Variants in LRP1B observed in about 807,000 individuals in gnomAD.
The protein encoded by LRP1B is low-density lipoprotein receptor-related protein 1B.
Under a neutral mutation model 556.6 loss-of-function variants are expected in LRP1B, and 217 were observed. The ratio of observed to expected loss-of-function variants is 0.39; its 90% CI spans 0.35 to 0.44. The LOEUF (loss-of-function observed/expected upper bound fraction) is 0.44. Among genes scored for constraint, LRP1B ranks in the 20% least tolerant of loss-of-function variants. The pLI, the probability that LRP1B is intolerant of heterozygous loss-of-function variation, is 1.00. For missense variants in LRP1B, 5,053 were observed against 5,620.8 expected (o/e 0.90, Z 3.23); for synonymous variants, 2,047 against 1,865.8 (o/e 1.10, Z -2.50).
chr2:140,525,904 T>A lies in LRP1B; in HGVS notation c.7966A>T (p.Thr2656Ser), dbSNP rs1252215593. Residue 2656 changes from threonine to serine, a missense_variant, in exon 49 of 91, where the codon ACC (threonine) becomes TCC (serine). Physicochemically the swap from Thr to Ser is moderately conservative, Grantham distance 58 (BLOSUM62 1). Coordinates refer to ENST00000389484, the MANE Select transcript of LRP1B (RefSeq NM_018557.3). The part of the protein sequence containing the change: ...CNSTSLCVLP[T>S]WICDGSNDCG... ...TCATTAGACCCGTCGCATATCCAGG[T>A]TGGCAGAACACACAGTGAGGTAGAA... 1.2e-6 allele frequency: 2 copies of A among 1,612,404 alleles called. No individual in the cohort carries two copies. The highest frequency in any genetic ancestry group is 3.3e-5 in the Admixed American group (2 of 59,776).
chr2:140,593,469 A>T (rs995767206), intron 43 of LRP1B, among the ~76,000 whole-genome samples: 5 of 152,234 alleles, frequency 3.3e-5, no homozygotes, highest in Non-Finnish European at 7.3e-5. Flanking sequence ...GAAAAAATTA[A>T]AAAGAAACAT....
At chr2:141,766,898 C>A (rs1451040381) in intron 2 of LRP1B, among the ~76,000 whole-genome samples, 1 of 152,088 alleles carries the variant, frequency 6.6e-6, no homozygotes. Context: ...CCAACCTATC[C>A]CAATTGTTTG....
At chr2:140,515,298 TTG>T (rs1338292968) in intron 50 of LRP1B, among the ~76,000 whole-genome samples, 1 of 152,034 alleles carries the variant, frequency 6.6e-6, no homozygotes, top group African/African-American at 2.4e-5. Flanking sequence ...GCTGATGTTT[TTG>T]TGTTGCTTCC....
chr2:140,989,504 T>C, intron 17 of LRP1B, 28 bp downstream of exon 17: 1 of 1,611,186 alleles, frequency 6.2e-7, no homozygotes, highest in Non-Finnish European at 8.5e-7. Flanking sequence ...TGGAGGAGAT[T>C]TACGTGTATA....
At chr2:142,021,370 A>T (rs970201861) in intron 1 of LRP1B, among the ~76,000 whole-genome samples, 1 of 152,060 alleles carries the variant, frequency 6.6e-6, no homozygotes, top group East Asian at 1.9e-4. Context: ...CAACAATATT[A>T]CTTGACTTTG....
At chr2:140,253,338 CTAAT>C (rs1379115424) in intron 86 of LRP1B, among the ~76,000 whole-genome samples, 10 of 151,746 alleles carry the variant, frequency 6.6e-5, no homozygotes, top group Admixed American at 3.9e-4. Context: ...GTTTATTGAA[CTAAT>C]TAATTTAGGA....
Position 141,463,582 on chromosome 2 carries a change from T to TATATATTATATAATATTA in LRP1B, c.343+16813_343+16814insTAATATTATATAATATAT, listed in dbSNP as rs1405204222. Among the ~76,000 whole-genome samples, 132 of 78,340 alleles carry TATATATTATATAATATTA rather than the reference T, an allele frequency of 1.7e-3. 2 individuals are homozygous for TATATATTATATAATATTA. The highest frequency in any genetic ancestry group is 7.2e-3 in the African/African-American group (128 of 17,810). The allele number at this position is 78,340 out of a possible 152,430, so 51.4% of individuals were successfully genotyped here. On this transcript the variant is annotated intron_variant, in intron 3 of 90. Transcript: ENST00000389484. ...AATATATATTATATATTATATATAA[T>TATATATTATATAATATTA]TATATATAATATATATTATATATTA...
chr2:141,471,446 C>T (rs1368044256), intron 3 of LRP1B, among the ~76,000 whole-genome samples: 1 of 152,112 alleles, frequency 6.6e-6, no homozygotes, highest in South Asian at 2.1e-4. Context: ...TCAACCTTAC[C>T]CAATAACTTA....
chr2:141,456,834 G>A (rs565486063), intron 3 of LRP1B, among the ~76,000 whole-genome samples: 2 of 152,294 alleles, frequency 1.3e-5, no homozygotes, highest in South Asian at 4.1e-4. Flanking sequence ...GATCCAGGAA[G>A]TCTTGATTCA....
At chr2:140,407,387 C>T (rs1684787167) in intron 66 of LRP1B, among the ~76,000 whole-genome samples, 1 of 151,668 alleles carries the variant, frequency 6.6e-6, no homozygotes, top group East Asian at 1.9e-4. Flanking sequence ...AATCGGTAAA[C>T]AGAAAACCAT....
chr2:141,851,696 T>A (rs1697862394), intron 1 of LRP1B, among the ~76,000 whole-genome samples: 2 of 151,806 alleles, frequency 1.3e-5, no homozygotes, highest in Non-Finnish European at 2.9e-5. Context: ...AGTTTGTTAT[T>A]GTTTTAGTTT....
intron 37 of LRP1B, among the ~76,000 whole-genome samples, chr2:140,714,362 A>G (rs1687138941): frequency 6.6e-6 from 1 of 152,154 alleles, no homozygotes; most frequent in Admixed American, 6.6e-5. Flanking sequence ...GAATCAAGCT[A>G]GAGACAAGTA....
intron 68 of LRP1B, 132 bp downstream of exon 68, chr2:140,378,048 A>G: frequency 1.6e-6 from 1 of 635,674 alleles, no homozygotes; most frequent in South Asian, 2.0e-5. Flanking sequence ...ACATGGATAT[A>G]ATACTTATCT....
At chr2:140,252,303 A>G (rs959089861) in intron 86 of LRP1B, among the ~76,000 whole-genome samples, 1 of 151,800 alleles carries the variant, frequency 6.6e-6, no homozygotes, top group Non-Finnish European at 1.5e-5. Flanking sequence ...AAAATTTTCT[A>G]TCTCAACTTT....
At chr2:140,445,309 G>A (rs1158967984) in intron 63 of LRP1B, among the ~76,000 whole-genome samples, 1 of 151,866 alleles carries the variant, frequency 6.6e-6, no homozygotes, top group Non-Finnish European at 1.5e-5. Context: ...TAGAGATAGG[G>A]TTTCACCATG....
intron 53 of LRP1B, among the ~76,000 whole-genome samples, chr2:140,505,870 A>G (rs1689387634): frequency 6.6e-6 from 1 of 152,210 alleles, no homozygotes; most frequent in Admixed American, 6.5e-5. Context: ...TTGTCTATGC[A>G]TTCAGATATT....
intron 1 of LRP1B, among the ~76,000 whole-genome samples, chr2:141,962,100 C>T (rs906367589): frequency 2.0e-5 from 3 of 151,586 alleles, no homozygotes; most frequent in Admixed American, 2.0e-4. Flanking sequence ...AATTTTTAAC[C>T]TACAAAAATG....
At chr2:141,209,283 A>T (rs950700108) in intron 6 of LRP1B, among the ~76,000 whole-genome samples, 5 of 152,088 alleles carry the variant, frequency 3.3e-5, no homozygotes, top group African/African-American at 1.2e-4. Flanking sequence ...TCATGAGAGT[A>T]AGTTCTCAGG....
chr2:140,786,905 C>T (rs1318238764), intron 32 of LRP1B, among the ~76,000 whole-genome samples: 2 of 151,988 alleles, frequency 1.3e-5, no homozygotes, highest in East Asian at 3.9e-4. Context: ...ACAGTGAGAG[C>T]GAGGAGTTAG....
Sources: allele counts gnomAD v4.1 joint callset (sites outside exome capture counted in the v4.1 genomes callset), GRCh38; gene constraint gnomAD v4.1.1; transcripts MANE v1.5; gene names NCBI Gene and HGNC (gene_info 2026-07-23, HGNC 2026-07-21).